Variants in BIRC6 observed in about 807,000 individuals in gnomAD.
The protein encoded by BIRC6 is baculoviral IAP repeat containing 6, also known as dual E2 ubiquitin-conjugating enzyme/E3 ubiquitin-protein ligase BIRC6.
A neutral mutation model predicts 503.3 loss-of-function variants in BIRC6; 98 were observed. That is an observed-to-expected ratio of 0.19 (90% CI 0.17 to 0.23). The LOEUF (loss-of-function observed/expected upper bound fraction) is 0.23. Among genes scored for constraint, BIRC6 ranks in the 10% least tolerant of loss-of-function variants. BIRC6 has a pLI of 1.00. For synonymous variants in BIRC6, 2,240 were observed against 2,078.7 expected, an observed-to-expected ratio of 1.08 and a Z score of -2.11; for missense variants, 5,360 against 5,806.0, an observed-to-expected ratio of 0.92 and a Z score of 2.50.
intron 59 of BIRC6, chr2:32,528,626 A>G (rs1426592540): frequency 3.3e-5 from 5 of 152,226 alleles, no homozygotes. Context: ...ATGGTATGTC[A>G]TATTTTTACT....
chr2:32,487,879 A>G, intron 41 of BIRC6, 78 bp downstream of exon 41: 1 of 1,222,570 alleles, frequency 8.2e-7, no homozygotes. Context: ...TGGGAAGTTC[A>G]TTCTAATCCT....
At chr2:32,607,975 CAAAAAAAA>C (rs35242178) in intron 72 of BIRC6, among the ~76,000 whole-genome samples, 16 of 51,934 alleles carry the variant, frequency 3.1e-4, no homozygotes, top group South Asian at 2.6e-3. Context: ...ACTCCATCTC[CAAAAAAAA>C]AAAAAAAAAA....
At chr2:32,611,406 G>T in intron 72 of BIRC6, 42 bp from the exon 73 acceptor site, 1 of 1,520,774 alleles carries the variant, frequency 6.6e-7, no homozygotes, top group South Asian at 1.3e-5. Context: ...TTTTAAATTT[G>T]ACTGTAAACA....
At chr2:32,492,256 G>A (rs2051825244) in intron 44 of BIRC6, among the ~76,000 whole-genome samples, 2 of 151,996 alleles carry the variant, frequency 1.3e-5, no homozygotes, top group Admixed American at 6.6e-5. Context: ...CACTTATTCA[G>A]TGTTTAGGAG....
At position 32,509,856 on chromosome 2, in the gene BIRC6, A is replaced by G. The variant is rs1186092077; in HGVS notation, c.10099A>G (p.Met3367Val). The change falls in exon 52 of 74, where the codon ATG becomes GTG. Residue 3367 changes from methionine (M) to valine (V), a missense_variant. Around this residue, in one of 16 missense-constraint regions of BIRC6, gnomAD observed 878 missense variants for 928.9 expected, o/e 0.95. Transcript: ENST00000421745. The part of the protein sequence containing the change: ...NLLQTCAALL[M>V]SPYCGMHSPN... ...GCTGCAGACTTGTGCGGCCTTATTG[A>G]TGTCACCTTACTGTGGAATGCATTC... is the stretch of plus-strand genomic sequence containing the variant. The G allele has an allele frequency of 6.2e-7, 1 of 1,613,920 alleles. No homozygotes were observed. The highest frequency in any genetic ancestry group is 1.3e-5 in the African/African-American group (1 of 75,016).
chr2:32,605,220 G>C (rs1334564758), intron 71 of BIRC6, among the ~76,000 whole-genome samples: 2 of 151,806 alleles, frequency 1.3e-5, no homozygotes, highest in Admixed American at 6.6e-5. Flanking sequence ...CTCCTCCCAC[G>C]TTTCACCATC....
intron 9 of BIRC6, among the ~76,000 whole-genome samples, chr2:32,408,269 G>A (rs2041467880): frequency 1.3e-5 from 2 of 151,616 alleles, no homozygotes. Flanking sequence ...TGCCCGGCCA[G>A]ACCTGGCTCT....
intron 61 of BIRC6, among the ~76,000 whole-genome samples, chr2:32,538,768 T>G (rs1428216031): frequency 6.6e-6 from 1 of 152,124 alleles, no homozygotes; most frequent in Admixed American, 6.5e-5. Context: ...CTGCCTCTAC[T>G]AAAAAATATG....
intron 31 of BIRC6, 97 bp downstream of exon 31, chr2:32,470,398 C>T: frequency 1.7e-6 from 2 of 1,178,524 alleles, no homozygotes; most frequent in South Asian, 1.6e-5. Flanking sequence ...TAATTATTTG[C>T]AGCACATTTA....
At chr2:32,465,719 C>T (rs1259819084) in intron 26 of BIRC6, among the ~76,000 whole-genome samples, 2 of 152,196 alleles carry the variant, frequency 1.3e-5, no homozygotes, top group Non-Finnish European at 2.9e-5. Flanking sequence ...TTGGTTTTAA[C>T]TACCACCAAC....
chr2:32,409,440 G>A (rs929849341), intron 9 of BIRC6, among the ~76,000 whole-genome samples: 6 of 152,186 alleles, frequency 3.9e-5, no homozygotes, highest in African/African-American at 1.4e-4. Flanking sequence ...ACAGGTGTGA[G>A]CCACTGTGCC....
chr2:32,493,728 A>T, intron 45 of BIRC6, 61 bp downstream of exon 45: 1 of 1,347,628 alleles, frequency 7.4e-7, no homozygotes, highest in Non-Finnish European at 1.0e-6. Context: ...CTCCAAATAT[A>T]CTTTTCTTTA....
At chr2:32,450,060 C>G (rs2046512782) in intron 22 of BIRC6, among the ~76,000 whole-genome samples, 1 of 152,030 alleles carries the variant, frequency 6.6e-6, no homozygotes, top group South Asian at 2.1e-4. Flanking sequence ...CTTCAGTATA[C>G]CAAAAGAAGC....
In BIRC6 at chr2:32,505,089, C is replaced by T; in HGVS notation, c.9584C>T (p.Ala3195Val). 1 of 1,612,610 alleles carries T rather than the reference C, an allele frequency of 6.2e-7. No homozygotes were observed. The highest frequency in any genetic ancestry group is 8.5e-7 in the Non-Finnish European group (1 of 1,179,274). ...ATPPHRRARSAAWSYIFLPEE... is the reference protein window; with the variant it reads ...ATPPHRRARSVAWSYIFLPEE... ...CCTCCTCACAGAAGAGCTCGCTCTG[C>T]TGCTTGGTCCTACATCTTTCTTCCA... The change falls in exon 50 of 74, where the codon GCT (alanine) becomes GTT (valine). Residue 3195 changes from alanine to valine, a missense_variant. Ala to Val is a moderately conservative substitution (Grantham distance 64). This residue lies in a region of BIRC6 where 267 missense variants were observed against 287.6 expected (regional missense o/e 0.93). Coordinates refer to ENST00000421745, the MANE Select transcript of BIRC6 (RefSeq NM_016252.4).
At chr2:32,589,511 A>G (rs2151319980) in intron 66 of BIRC6, among the ~76,000 whole-genome samples, 1 of 152,206 alleles carries the variant, frequency 6.6e-6, no homozygotes, top group South Asian at 2.1e-4. Context: ...CAGCCCTCCT[A>G]CTTTGATTTC....
chr2:32,500,906 A>T (rs1278057355), intron 46 of BIRC6, among the ~76,000 whole-genome samples: 8 of 145,958 alleles, frequency 5.5e-5, no homozygotes, highest in African/African-American at 1.3e-4. Flanking sequence ...CGCCCTGCCA[A>T]TTTTTTTTTT....
rs185495033 is a variant in BIRC6 at position 32,475,625 on chromosome 2, G to T, written c.6721-588G>T. Among the ~76,000 whole-genome samples, 6 of 152,270 alleles carry T rather than the reference G, an allele frequency of 3.9e-5. No homozygotes were observed. In the East Asian group the frequency reaches 1.2e-3, roughly 29 times the overall value. On this transcript the variant is annotated intron_variant, in intron 33 of 73. Transcript: ENST00000421745. Reference sequence around the variant, plus strand: ...TGGAAAAATAAGGTTGGCAAATTCTGTCAATGTCAATACCTTGTGATATTA... The same window carrying T: ...TGGAAAAATAAGGTTGGCAAATTCTTTCAATGTCAATACCTTGTGATATTA...
At chr2:32,592,633 T>G (rs1320099262) in intron 66 of BIRC6, among the ~76,000 whole-genome samples, 1 of 152,126 alleles carries the variant, frequency 6.6e-6, no homozygotes. Flanking sequence ...TTCACTCTTG[T>G]TGCCCAGGCT....
rs114809677 is a variant in BIRC6, at chr2:32,426,916, T to C, written c.2873-2230T>C. 7.4e-3 allele frequency among the ~76,000 whole-genome samples: 1,128 copies of C among 152,332 alleles called. 8 individuals are homozygous for C. Among genetic ancestry groups the C allele is most frequent in the Middle Eastern group, 0.014 (4 of 294 alleles). On this transcript the variant is annotated intron_variant, in intron 10 of 73. Coordinates refer to ENST00000421745, the MANE Select transcript of BIRC6 (RefSeq NM_016252.4). ...GGATTAATGCTACATAGAGAATCTGTTGACAGTTTCTTTCTGTACTTTAAA... is the reference window on the plus strand; with the variant it reads ...GGATTAATGCTACATAGAGAATCTGCTGACAGTTTCTTTCTGTACTTTAAA...
Sources: allele counts gnomAD v4.1 joint callset (sites outside exome capture counted in the v4.1 genomes callset), GRCh38; gene constraint gnomAD v4.1.1; regional missense constraint gnomAD v4.1.1; transcripts MANE v1.5; gene names NCBI Gene and HGNC (gene_info 2026-07-23, HGNC 2026-07-21).